AGBL4: variants seen among roughly 807,000 people sequenced by gnomAD.
AGBL4 encodes the protein cytosolic carboxypeptidase 6.
In AGBL4, 58 loss-of-function variants were observed where a neutral mutation model predicts 66.4. The observed-to-expected ratio is 0.87, with a 90% CI of 0.71 to 1.09. The LOEUF is 1.09. AGBL4 is among the 50% of genes least tolerant of loss of function. The pLI is 0.00. For missense variants in AGBL4, 579 were observed against 631.0 expected, an observed-to-expected ratio of 0.92 and a Z score of 0.88; for synonymous variants, 234 against 222.9, an observed-to-expected ratio of 1.05 and a Z score of -0.44.
rs569471280 is a variant in AGBL4 at position 48,626,214 on chromosome 1, C to A, written c.951+8279G>T. Among the ~76,000 whole-genome samples, 10 of 152,344 alleles carry A rather than the reference C, an allele frequency of 6.6e-5. No individual in the cohort carries two copies. The South Asian group carries it at 1.4e-3, about 22-fold the overall frequency. ...AATCTATCCCTCATGGCACCTCCAG[C>A]AGCTGGCTGCTGTCTGAACATTTCA... On this transcript the variant is annotated intron_variant, in intron 9 of 13. Coordinates refer to ENST00000371839, the MANE Select transcript of AGBL4 (RefSeq NM_032785.4).
chr1:49,658,078 G>A (rs1006876873), intron 3 of AGBL4, among the ~76,000 whole-genome samples: 10 of 152,068 alleles, frequency 6.6e-5, no homozygotes, highest in Non-Finnish European at 1.0e-4. Context: ...GCAACCTACA[G>A]AATGGGAGAA....
chr1:49,851,628 A>G, intron 1 of AGBL4, 110 bp from the exon 2 acceptor site: 1 of 1,109,350 alleles, frequency 9.0e-7, no homozygotes, highest in East Asian at 2.7e-5. Context: ...AACCCAAGCA[A>G]AAAGAAGTTA....
At chr1:49,971,906 G>GGTTGTTTTTTTTT (rs1457900823) in intron 1 of AGBL4, among the ~76,000 whole-genome samples, 4 of 43,440 alleles carry the variant, frequency 9.2e-5, no homozygotes, top group Non-Finnish European at 1.7e-4. Context: ...GGTTTTTTTG[G>GGTTGTTTTTTTTT]GTTTTTTTTT....
At chr1:48,860,154 C>T (rs1317321429) in intron 6 of AGBL4, among the ~76,000 whole-genome samples, 1 of 152,160 alleles carries the variant, frequency 6.6e-6, no homozygotes, top group African/African-American at 2.4e-5. Flanking sequence ...GGTACTTCCT[C>T]ATATTGCCTC....
intron 2 of AGBL4, among the ~76,000 whole-genome samples, chr1:49,716,991 C>G (rs1188422392): frequency 6.6e-6 from 1 of 152,066 alleles, no homozygotes; most frequent in Non-Finnish European, 1.5e-5. Context: ...CAAATTGTCC[C>G]TGTTTGCAGA....
At chr1:49,979,378 G>A (rs1204945836) in intron 1 of AGBL4, among the ~76,000 whole-genome samples, 2 of 151,572 alleles carry the variant, frequency 1.3e-5, no homozygotes, top group Admixed American at 6.6e-5. Flanking sequence ...GGAGAATGGC[G>A]TGAACCCGGG....
At position 48,555,504 on chromosome 1, in the gene AGBL4, C is replaced by T. The variant is rs145222917; in HGVS notation, c.1268-15766G>A. ...ATGATCCCTTTGAAGATGTTTGTCA[C>T]GGCTGGAATATCTTCTAAAAGATAA... On this transcript the variant is annotated intron_variant, in intron 11 of 13. Transcript: ENST00000371839. Among the ~76,000 whole-genome samples the T allele has an allele frequency of 2.9e-3, 447 of 152,226 alleles. 4 individuals are homozygous for T. The highest frequency in any genetic ancestry group is 1.0e-2 in the African/African-American group (415 of 41,532).
chr1:49,433,681 C>T (rs971552142), intron 3 of AGBL4, among the ~76,000 whole-genome samples: 60 of 152,162 alleles, frequency 3.9e-4, no homozygotes, highest in South Asian at 8.3e-4. Context: ...CAAAATAAGC[C>T]GGATTTGAAT....
At chr1:49,963,951 A>C (rs1657337699) in intron 1 of AGBL4, among the ~76,000 whole-genome samples, 1 of 152,124 alleles carries the variant, frequency 6.6e-6, no homozygotes, top group African/African-American at 2.4e-5. Flanking sequence ...AGAAAAAAAA[A>C]CTCATATATC....
intron 2 of AGBL4, among the ~76,000 whole-genome samples, chr1:49,849,712 T>G (rs1646258136): frequency 6.6e-6 from 1 of 152,002 alleles, no homozygotes; most frequent in Non-Finnish European, 1.5e-5. Flanking sequence ...ATGCATTATT[T>G]ATTTGGTGAT....
chr1:49,295,882 T>G (rs1308959313), intron 3 of AGBL4, among the ~76,000 whole-genome samples: 1 of 152,146 alleles, frequency 6.6e-6, no homozygotes, highest in Admixed American at 6.5e-5. Flanking sequence ...AACTCTGAAG[T>G]GTTCAAGCCT....
intron 3 of AGBL4, among the ~76,000 whole-genome samples, chr1:49,598,543 C>T (rs187234171): frequency 1.3e-5 from 2 of 152,152 alleles, no homozygotes; most frequent in African/African-American, 4.8e-5. Context: ...TTTCGTGAAC[C>T]GCGAATGCTG....
intron 4 of AGBL4, among the ~76,000 whole-genome samples, chr1:49,169,032 C>T (rs1233776147): frequency 1.3e-5 from 2 of 152,166 alleles, no homozygotes; most frequent in East Asian, 1.9e-4. Flanking sequence ...TGTATGCTTC[C>T]TATATCTCTT....
At chr1:49,625,071 C>T (rs1018742914) in intron 3 of AGBL4, among the ~76,000 whole-genome samples, 2 of 151,944 alleles carry the variant, frequency 1.3e-5, no homozygotes, top group Admixed American at 1.3e-4. Context: ...AGGTTCAGTC[C>T]CTTACAGCCA....
At chr1:49,952,959 A>C (rs1404974773) in intron 1 of AGBL4, among the ~76,000 whole-genome samples, 1 of 151,992 alleles carries the variant, frequency 6.6e-6, no homozygotes, top group Non-Finnish European at 1.5e-5. Context: ...GTAAGAATGC[A>C]TGTCTCTGAG....
At chr1:49,210,287 G>T (rs557837618) in intron 4 of AGBL4, among the ~76,000 whole-genome samples, 1 of 152,048 alleles carries the variant, frequency 6.6e-6, no homozygotes, top group Non-Finnish European at 1.5e-5. Flanking sequence ...ACAAAGCAAA[G>T]TATCTCCCTT....
chr1:49,333,521 T>G (rs12407305), intron 3 of AGBL4, among the ~76,000 whole-genome samples: 1 of 151,916 alleles, frequency 6.6e-6, no homozygotes, highest in Admixed American at 6.6e-5. Context: ...AACCATAAAA[T>G]TCAGGATAAT....
chr1:49,874,475 T>C (rs777593647), intron 1 of AGBL4, among the ~76,000 whole-genome samples: 13 of 152,158 alleles, frequency 8.5e-5, no homozygotes, highest in Non-Finnish European at 1.5e-4. Flanking sequence ...ATAAAGTTTA[T>C]CTTTCAATGC....
At chr1:49,573,051 A>T (rs1412936647) in intron 3 of AGBL4, among the ~76,000 whole-genome samples, 1 of 151,934 alleles carries the variant, frequency 6.6e-6, no homozygotes, top group Non-Finnish European at 1.5e-5. Context: ...CTTGCTGCTC[A>T]AGCCTACACA....
Sources: gnomAD v4.1 joint callset for allele counts (sites outside exome capture counted in the v4.1 genomes callset) on GRCh38, gnomAD v4.1.1 for gene constraint, MANE v1.5 for transcripts, NCBI Gene and HGNC (gene_info 2026-07-23, HGNC 2026-07-21) for gene names.